The following CPM variants were observed in gnomAD, a reference collection of about 807,000 sequenced individuals.
CPM encodes renal carboxypeptidase.
CPM carries 35 observed loss-of-function variants against 46.4 expected under a neutral mutation model. The ratio of observed to expected loss-of-function variants is 0.75; its 90% CI spans 0.58 to 1.00. The LOEUF (loss-of-function observed/expected upper bound fraction) is 1.00. CPM is among the 50% of genes least tolerant of loss of function. CPM has a pLI of 0.00. For missense variants in CPM, 422 were observed against 530.4 expected (o/e 0.80, Z 2.01); for synonymous variants, 195 against 195.3 (o/e 1.00, Z 0.01).
At chr12:68,878,473 A>G (rs1439095955) in intron 3 of CPM, among the ~76,000 whole-genome samples, 2 of 152,138 alleles carry the variant, frequency 1.3e-5, no homozygotes, top group East Asian at 3.9e-4. Context: ...CACCACCCAC[A>G]TCGATAAACT....
intron 2 of CPM, among the ~76,000 whole-genome samples, chr12:68,920,857 A>AC (rs1555200030): frequency 1.4e-5 from 2 of 138,544 alleles, no homozygotes; most frequent in African/African-American, 5.3e-5. Flanking sequence ...TGCCTGGCTA[A>AC]TTTTTTTTTT....
At chr12:68,885,769 A>G (rs778543815) in intron 3 of CPM, 23 bp downstream of exon 3, 375 of 1,590,252 alleles carry the variant, frequency 2.4e-4, no homozygotes, top group Non-Finnish European at 3.1e-4. Flanking sequence ...GTGACATTTC[A>G]GAAATTCAAG....
intron 5 of CPM, chr12:68,845,339 A>T: frequency 4.7e-6 from 1 of 212,318 alleles, no homozygotes; most frequent in Non-Finnish European, 9.5e-6. Flanking sequence ...TGAGGTAGAT[A>T]TCTGAAAGCA....
chr12:68,876,813 A>G lies in CPM; in HGVS notation c.259-4857T>C, dbSNP rs557719558. Among the ~76,000 whole-genome samples the G allele has an allele frequency of 5.9e-5, 9 of 152,336 alleles. No individual in the cohort carries two copies. The East Asian group carries it at 1.5e-3, about 26-fold the overall frequency. ...GGTTCTTCACAGAATGTTTATTAAA[A>G]AAAACAGAAAAAAATTTTTGAAGGA... On this transcript the variant is annotated intron_variant, in intron 3 of 8. Transcript: ENST00000551568.
intron 2 of CPM, among the ~76,000 whole-genome samples, chr12:68,929,692 G>A (rs2136320046): frequency 6.6e-6 from 1 of 152,216 alleles, no homozygotes; most frequent in Admixed American, 6.5e-5. Flanking sequence ...TGTATCAATG[G>A]TTTTATAGTA....
chr12:68,923,718 A>G (rs1182556878), intron 2 of CPM, among the ~76,000 whole-genome samples: 1 of 152,240 alleles, frequency 6.6e-6, no homozygotes, highest in Non-Finnish European at 1.5e-5. Context: ...TAGAAGACAA[A>G]GAAATCACAT....
At chr12:68,861,923 A>G (rs1341400159) in intron 7 of CPM, among the ~76,000 whole-genome samples, 9 of 151,162 alleles carry the variant, frequency 6.0e-5, no homozygotes, top group South Asian at 2.1e-4. Context: ...AAAAAAAAAA[A>G]AAAAAAAAAA....
chr12:68,929,138 TA>T (rs566819614), intron 2 of CPM, among the ~76,000 whole-genome samples: 1 of 152,040 alleles, frequency 6.6e-6, no homozygotes, highest in East Asian at 1.9e-4. Flanking sequence ...GTTCATTTTT[TA>T]AAAAAATAAT....
At chr12:68,955,149 G>A (rs1482575478) in intron 1 of CPM, among the ~76,000 whole-genome samples, 4 of 152,160 alleles carry the variant, frequency 2.6e-5, no homozygotes, top group African/African-American at 4.8e-5. Flanking sequence ...TGGGCAGAAC[G>A]AGCCCAGGAG....
Position 68,885,876 on chromosome 12 carries a change from C to T in CPM, c.174G>A (p.Trp58Ter). 6.2e-7 allele frequency: 1 copy of T among 1,613,844 alleles called. No homozygotes were observed. ...TTGGAAACCGCCCCACAACAAGAACCCACAGGTTTCTACCTTTACAGGAAA... is the reference window on the plus strand; with the variant it reads ...TTGGAAACCGCCCCACAACAAGAACTCACAGGTTTCTACCTTTACAGGAAA... ...IGKSVKGRNL[W>*]VLVVGRFPKE... Residue 58 changes from tryptophan (W) to a stop codon, truncating the protein, a stop_gained, in exon 3 of 9, where the codon TGG becomes TGA. Coordinates refer to ENST00000551568, the MANE Select transcript of CPM (RefSeq NM_198320.5). LOFTEE classifies it high-confidence loss of function.
intron 2 of CPM, among the ~76,000 whole-genome samples, chr12:68,931,086 G>A (rs368759023): frequency 5.5e-4 from 83 of 152,200 alleles, no homozygotes; most frequent in African/African-American, 1.9e-3. Context: ...TATAATTTTG[G>A]ATTATAGAGC....
chr12:68,903,322 A>G (rs1470630838), intron 2 of CPM, among the ~76,000 whole-genome samples: 1 of 152,132 alleles, frequency 6.6e-6, no homozygotes, highest in African/African-American at 2.4e-5. Context: ...ATGTCCTCTC[A>G]TACCCGTAAA....
chr12:68,850,517 G>A (rs1318210574), downstream of CPM: 1 of 152,160 alleles, frequency 6.6e-6, no homozygotes, highest in Non-Finnish European at 1.5e-5. Flanking sequence ...GTGTTTCAAA[G>A]AGCAGATGTA....
rs115207294 is a variant in CPM, at chr12:68,963,070, T to G, written c.-4+99A>C. ...CTGTGTCATGGGTGTGTCCTTAACC[T>G]TGGCAAAGTAAACTTTCTACATTGA... is the stretch of plus-strand genomic sequence containing the variant. On this transcript the variant is annotated intron_variant, in intron 1 of 8. Transcript: ENST00000546373. The G allele has an allele frequency of 2.9e-3, 446 of 153,252 alleles. 3 individuals carry two copies. The highest frequency in any genetic ancestry group is 0.01 in the African/African-American group (434 of 41,586). 9.5% of individuals were successfully genotyped at this position (153,252 alleles called of 1,614,324 possible).
intron 1 of CPM, among the ~76,000 whole-genome samples, chr12:68,955,679 G>A (rs189040560): frequency 6.6e-6 from 1 of 152,176 alleles, no homozygotes; most frequent in Non-Finnish European, 1.5e-5. Context: ...GAGGCCCAAA[G>A]TGGGTAGCTC....
At chr12:68,945,403 G>A (rs1005602603) in intron 1 of CPM, among the ~76,000 whole-genome samples, 1 of 152,160 alleles carries the variant, frequency 6.6e-6, no homozygotes, top group Non-Finnish European at 1.5e-5. Context: ...CTTTGCAAAG[G>A]TGGTTTCAGT....
intron 1 of CPM, among the ~76,000 whole-genome samples, chr12:68,950,031 G>A (rs141939837): frequency 4.3e-4 from 65 of 152,268 alleles, no homozygotes; most frequent in Middle Eastern, 3.4e-3. Context: ...GAGGCCAGAG[G>A]ATGCAGTGTG....
intron 3 of CPM, among the ~76,000 whole-genome samples, chr12:68,883,474 A>T (rs2136248358): frequency 6.6e-6 from 1 of 152,292 alleles, no homozygotes; most frequent in East Asian, 1.9e-4. Context: ...GGGTCACATA[A>T]GGGGGTAAAA....
At chr12:68,873,531 G>A (rs187213878) in intron 3 of CPM, among the ~76,000 whole-genome samples, 1 of 152,148 alleles carries the variant, frequency 6.6e-6, no homozygotes, top group Admixed American at 6.5e-5. Context: ...CAGGCATGGT[G>A]ACACAGACCT....
Sources: gnomAD v4.1 joint callset for allele counts (sites outside exome capture counted in the v4.1 genomes callset) on GRCh38, gnomAD v4.1.1 for gene constraint, MANE v1.5 for transcripts, NCBI Gene and HGNC (gene_info 2026-07-23, HGNC 2026-07-21) for gene names.